The following GSE1 variants were observed in gnomAD, a reference collection of about 807,000 sequenced individuals.
The protein encoded by GSE1 is Gse1 coiled-coil protein.
A neutral mutation model predicts 112.6 loss-of-function variants in GSE1; 32 were observed. The ratio of observed to expected loss-of-function variants is 0.28; its 90% CI spans 0.21 to 0.38. GSE1 has a LOEUF of 0.38. Among genes scored for constraint, GSE1 ranks in the 10% least tolerant of loss-of-function variants. The pLI is 1.00. For missense variants in GSE1, 2,348 were observed against 1,699.2 expected (o/e 1.38, Z -6.71); for synonymous variants, 1,115 against 735.6 (o/e 1.52, Z -8.35).
At chr16:85,214,558 CTT>C (rs2075278646) in intron 1 of GSE1, among the ~76,000 whole-genome samples, 1 of 152,188 alleles carries the variant, frequency 6.6e-6, no homozygotes, top group Non-Finnish European at 1.5e-5. Context: ...TGAATCCAGA[CTT>C]CTCCTAACCG....
chr16:85,170,607 G>A (rs1298026121), exon 1 of GSE1: 2 of 985,378 alleles, frequency 2.0e-6, no homozygotes, highest in South Asian at 4.7e-5. Flanking sequence ...ACAGCCGGGC[G>A]GCACCAGCAG....
intron 10 of GSE1, 24 bp downstream of exon 10, chr16:85,663,117 ACATGCTCTGGG>A (rs760155065): frequency 6.7e-7 from 1 of 1,487,772 alleles, no homozygotes. Flanking sequence ...CTCCCCACGG[ACATGCTCTGGG>A]CTGGGCTCTC....
At chr16:85,356,130 G>T (rs929794976) in intron 1 of GSE1, among the ~76,000 whole-genome samples, 12 of 152,230 alleles carry the variant, frequency 7.9e-5, no homozygotes, top group African/African-American at 2.9e-4. Context: ...ATAACTGGTA[G>T]TTGGTCATTC....
intron 1 of GSE1, among the ~76,000 whole-genome samples, chr16:85,577,303 A>G (rs1412503072): frequency 6.6e-6 from 1 of 152,096 alleles, no homozygotes; most frequent in Non-Finnish European, 1.5e-5. Flanking sequence ...TCGAGGAGGG[A>G]GGACGCGGTC....
intron 1 of GSE1, among the ~76,000 whole-genome samples, chr16:85,239,411 C>G (rs996657862): frequency 6.6e-6 from 1 of 152,222 alleles, no homozygotes; most frequent in Admixed American, 6.5e-5. Flanking sequence ...CCCTGGGGAG[C>G]TTGGTGGAAG....
At chr16:85,342,553 T>C (rs2046647371) in intron 1 of GSE1, among the ~76,000 whole-genome samples, 1 of 152,092 alleles carries the variant, frequency 6.6e-6, no homozygotes, top group Non-Finnish European at 1.5e-5. Flanking sequence ...TCTCATATCC[T>C]TTTGGGAGAC....
intron 2 of GSE1, among the ~76,000 whole-genome samples, chr16:85,500,549 G>A (rs1481115822): frequency 6.6e-6 from 1 of 152,236 alleles, no homozygotes; most frequent in African/African-American, 2.4e-5. Flanking sequence ...GGTCTGGGAG[G>A]AGAGGCACGT....
At chr16:85,207,424 C>T (rs2075138165) in intron 1 of GSE1, among the ~76,000 whole-genome samples, 1 of 152,252 alleles carries the variant, frequency 6.6e-6, no homozygotes, top group Admixed American at 6.5e-5. Flanking sequence ...CTGGTCCGTG[C>T]CGGCCCCCGG....
At chr16:85,397,799 C>T (rs757062031) in intron 2 of GSE1, among the ~76,000 whole-genome samples, 3 of 152,178 alleles carry the variant, frequency 2.0e-5, no homozygotes, top group Non-Finnish European at 4.4e-5. Flanking sequence ...CCCTGCTGCC[C>T]TCCTGAAGGT....
At chr16:85,644,088 G>T (rs1030622078) in intron 2 of GSE1, among the ~76,000 whole-genome samples, 4 of 152,132 alleles carry the variant, frequency 2.6e-5, no homozygotes, top group African/African-American at 9.7e-5. Flanking sequence ...AGCACTGTGG[G>T]CAACTGAGGC....
intron 2 of GSE1, among the ~76,000 whole-genome samples, chr16:85,522,541 C>G (rs1010142896): frequency 1.3e-5 from 2 of 152,210 alleles, no homozygotes; most frequent in Admixed American, 1.3e-4. Flanking sequence ...TGAGAACTGC[C>G]TGTGTCTCCG....
chr16:85,398,890 G>A (rs775962452), intron 2 of GSE1, among the ~76,000 whole-genome samples: 35 of 152,120 alleles, frequency 2.3e-4, no homozygotes, highest in Non-Finnish European at 2.2e-4. Context: ...GACATGTGTG[G>A]TATGTTTGTG....
intron 1 of GSE1, among the ~76,000 whole-genome samples, chr16:85,262,804 G>T (rs1391931803): frequency 1.3e-5 from 2 of 152,204 alleles, no homozygotes; most frequent in African/African-American, 2.4e-5. Flanking sequence ...CTTGCCGCGG[G>T]CACCAGTTGG....
intron 1 of GSE1, among the ~76,000 whole-genome samples, chr16:85,264,763 C>T (rs1002994418): frequency 2.6e-5 from 4 of 152,090 alleles, no homozygotes; most frequent in Non-Finnish European, 5.9e-5. Context: ...GTGAAATTGG[C>T]CCGTCCCCTG....
chr16:85,485,503 G>GCGCCTGC (rs1052848304), intron 2 of GSE1, among the ~76,000 whole-genome samples: 2 of 152,248 alleles, frequency 1.3e-5, no homozygotes, highest in East Asian at 1.9e-4. Context: ...TCTGCCTGTG[G>GCGCCTGC]CGCCTGCCGC....
intron 2 of GSE1, among the ~76,000 whole-genome samples, chr16:85,384,339 G>A (rs1314338466): frequency 2.6e-5 from 4 of 152,210 alleles, no homozygotes; most frequent in East Asian, 1.9e-4. Context: ...TGCCCATAGC[G>A]TGGCAGATGG....
At chr16:85,602,146 T>G (rs1447691758) in intron 1 of GSE1, among the ~76,000 whole-genome samples, 2 of 152,152 alleles carry the variant, frequency 1.3e-5, no homozygotes, top group Admixed American at 1.3e-4. Context: ...CCGGGCACAG[T>G]AGGCACTTAA....
chr16:85,662,816 G>T (rs1180938465), intron 9 of GSE1, 165 bp from the exon 10 acceptor site: 2 of 604,940 alleles, frequency 3.3e-6, no homozygotes, highest in South Asian at 1.9e-5. Context: ...CCAGGACTGG[G>T]TTAATGTTGG....
In GSE1 at chr16:85,657,308, C is replaced by T; in HGVS notation, c.1344C>T (p.Pro448=). 3 of 1,591,824 alleles carry T rather than the reference C, an allele frequency of 1.9e-6. No individual in the cohort carries two copies. Among genetic ancestry groups the T allele is most frequent in the Non-Finnish European group, 2.6e-6 (3 of 1,169,406 alleles). The change falls in exon 8 of 16, where the codon CCC becomes CCT. Residue 448 remains proline (P), a synonymous_variant. Coordinates refer to ENST00000253458, the MANE Select transcript of GSE1 (RefSeq NM_014615.5). The stretch of plus-strand genomic sequence containing the variant: ...TGAAGGATGCCGGCCTGCAGGCGCC[C>T]AAGCCCGTCCAACACCCCTTGCATC... ...EKLKDAGLQA[P]KPVQHPLHPV...
Sources: allele counts gnomAD v4.1 joint callset (sites outside exome capture counted in the v4.1 genomes callset), GRCh38; gene constraint gnomAD v4.1.1; transcripts MANE v1.5; gene names NCBI Gene and HGNC (gene_info 2026-07-23, HGNC 2026-07-21).